NAB1: variants seen among roughly 807,000 people sequenced by gnomAD.
The protein encoded by NAB1 is NGFI-A-binding protein 1.
A neutral mutation model predicts 49.9 loss-of-function variants in NAB1; 25 were observed. The observed-to-expected ratio is 0.50, with a 90% confidence interval of 0.37 to 0.70. NAB1 has a LOEUF of 0.70. Ranked by LOEUF, NAB1 falls within the 30% of genes least tolerant of loss-of-function variation. The probability of loss-of-function intolerance (pLI) is 0.00; values close to 1 mark genes in which losing one functional copy is unlikely to be tolerated. For missense variants in NAB1, 489 were observed against 575.9 expected (o/e 0.85, Z 1.54); for synonymous variants, 198 against 215.6 (o/e 0.92, Z 0.71).
At chr2:190,664,526 T>TTTCCTTCCTTCC (rs112074461) in intron 4 of NAB1, among the ~76,000 whole-genome samples, 1 of 127,564 alleles carries the variant, frequency 7.8e-6, no homozygotes, top group African/African-American at 3.0e-5. Flanking sequence ...TCTTTTCTTT[T>TTTCCTTCCTTCC]TTCCTTCCTT....
At chr2:190,687,638 T>A (rs1196468963) in intron 9 of NAB1, among the ~76,000 whole-genome samples, 1 of 152,174 alleles carries the variant, frequency 6.6e-6, no homozygotes, top group African/African-American at 2.4e-5. Context: ...GCATTTTGGA[T>A]AAGGGATGCT....
chr2:190,655,416 T>G (rs1693867520), intron 2 of NAB1, among the ~76,000 whole-genome samples: 1 of 152,160 alleles, frequency 6.6e-6, no homozygotes, highest in Non-Finnish European at 1.5e-5. Flanking sequence ...AAGAAAATTA[T>G]GGACACACAA....
In NAB1 at chr2:190,686,683, G is replaced by A. The variant is rs1271892873; in HGVS notation, c.1259-518G>A. Among the ~76,000 whole-genome samples, 2 of 152,118 alleles carry A rather than the reference G, an allele frequency of 1.3e-5. No individual in the cohort carries two copies. The highest frequency in any genetic ancestry group is 3.8e-4 in the East Asian group (2 of 5,202). On this transcript the variant is annotated intron_variant, in intron 8 of 9. Transcript: ENST00000337386. This position sits in a 1 kb window ranked among gnomAD's most constrained non-coding sequence, Gnocchi z 5.5. Reference sequence around the variant, plus strand: ...GTGACACCAGGATAATTCAGTGTGGGGTGACAATTTGCTAATGTGATGGAT... The same window carrying A: ...GTGACACCAGGATAATTCAGTGTGGAGTGACAATTTGCTAATGTGATGGAT...
At chr2:190,664,191 A>G (rs1396357039) in intron 4 of NAB1, among the ~76,000 whole-genome samples, 1 of 152,148 alleles carries the variant, frequency 6.6e-6, no homozygotes, top group Non-Finnish European at 1.5e-5. Flanking sequence ...GTGTACTAAA[A>G]TTTTACTGAT....
chr2:190,671,146 T>G (rs574307491), intron 5 of NAB1, among the ~76,000 whole-genome samples: 4 of 152,342 alleles, frequency 2.6e-5, no homozygotes, highest in Admixed American at 1.3e-4. Flanking sequence ...TGCCTGCCAC[T>G]GTTTCTCTGG....
Position 190,687,309 on chromosome 2 carries a change from A to G in NAB1, c.1367A>G (p.His456Arg). 1.3e-6 allele frequency: 2 copies of G among 1,577,402 alleles called. No homozygotes were observed. Among genetic ancestry groups the G allele is most frequent in the Non-Finnish European group, 8.6e-7 (1 of 1,161,320 alleles). The part of the protein sequence containing the change: ...SRLYPSEAKS[H>R]SSESLGILKD... ...CTTTACCCCAGTGAGGCAAAGTCCC[A>G]CTCATCAGGTGAGAACGTGCTATAT... The change falls in exon 9 of 10, where the codon CAC becomes CGC. Residue 456 changes from histidine to arginine, a missense_variant. Coordinates refer to ENST00000337386, the MANE Select transcript of NAB1 (RefSeq NM_005966.4).
chr2:190,653,710 C>T (rs1018996170), intron 2 of NAB1: 3 of 152,090 alleles, frequency 2.0e-5, no homozygotes, highest in African/African-American at 4.8e-5. Flanking sequence ...ATAACTTACA[C>T]CGTGTTTAAT....
rs1330754342 is a variant in NAB1 at position 190,651,026 on chromosome 2, T to G, written c.-197+1044T>G. On this transcript the variant is annotated intron_variant, in intron 2 of 9. Transcript: ENST00000337386. The surrounding 1 kb of genome is among the most constrained non-coding windows in gnomAD (Gnocchi z 4.3). ...TATGCCATTTCGAGATTAAAAATGT[T>G]TTTTTCCCGACTCTGATGGTCTCTT... Among the ~76,000 whole-genome samples, 1 of 152,226 alleles carries G rather than the reference T, an allele frequency of 6.6e-6. No individual in the cohort carries two copies. The highest frequency in any genetic ancestry group is 2.4e-5 in the African/African-American group (1 of 41,466).
At position 190,674,317 on chromosome 2, in the gene NAB1, A is replaced by G. The variant is rs1574459638; in HGVS notation, c.1005+1165A>G. Reference sequence around the variant, plus strand: ...TGACTTTCTGTTCCTGAACATGCCAAACTCATTTATGCCTCAACACTCACT... The same window carrying G: ...TGACTTTCTGTTCCTGAACATGCCAGACTCATTTATGCCTCAACACTCACT... On this transcript the variant is annotated intron_variant, in intron 6 of 9. Coordinates refer to ENST00000337386, the MANE Select transcript of NAB1 (RefSeq NM_005966.4). The surrounding 1 kb of genome is among the most constrained non-coding windows in gnomAD (Gnocchi z 5.7). Among the ~76,000 whole-genome samples the G allele has an allele frequency of 1.3e-5, 2 of 151,996 alleles. No individual in the cohort carries two copies. Among genetic ancestry groups the G allele is most frequent in the South Asian group, 4.2e-4 (2 of 4,818 alleles).
At chr2:190,687,159 A>G (rs1317405712) in intron 8 of NAB1, 42 bp from the exon 9 acceptor site, 2 of 1,262,366 alleles carry the variant, frequency 1.6e-6, no homozygotes, top group Non-Finnish European at 2.1e-6. Context: ...AAACCATGGT[A>G]TGTTTTTAAT....
chr2:190,668,818 C>G (rs1694655858), intron 4 of NAB1, among the ~76,000 whole-genome samples: 1 of 152,084 alleles, frequency 6.6e-6, no homozygotes, highest in African/African-American at 2.4e-5. Flanking sequence ...TTCCAAGACC[C>G]CCAGTTGGAT....
rs1280610452 is a variant in NAB1 at position 190,659,144 on chromosome 2, T to G, written c.-19-14T>G. 1 of 1,440,974 alleles carries G rather than the reference T, an allele frequency of 6.9e-7. No homozygotes were observed. Among genetic ancestry groups the G allele is most frequent in the Non-Finnish European group, 9.2e-7 (1 of 1,087,038 alleles). The allele number at this position is 1,440,974 out of a possible 1,614,324, so 89.3% of individuals were successfully genotyped here. On this transcript the variant is annotated splice_polypyrimidine_tract_variant and intron_variant, in intron 3 of 9. Coordinates refer to ENST00000337386, the MANE Select transcript of NAB1 (RefSeq NM_005966.4). The surrounding 1 kb of genome is among the most constrained non-coding windows in gnomAD (Gnocchi z 6.2). ...AGTATGATGAGTTTTTACTTTTTTT[T>G]TTTTTTTTGGCAGGTTAAACCCATC...
chr2:190,688,395 T>G (rs1170980055), intron 9 of NAB1, among the ~76,000 whole-genome samples: 1 of 152,230 alleles, frequency 6.6e-6, no homozygotes. Flanking sequence ...TTCTAAATAA[T>G]GTTCTGGTAC....
chr2:190,684,693 T>C lies in NAB1; in HGVS notation c.1096-783T>C, dbSNP rs574254095. Among the ~76,000 whole-genome samples, 13 of 152,210 alleles carry C rather than the reference T, an allele frequency of 8.5e-5. No individual in the cohort carries two copies. The highest frequency in any genetic ancestry group is 1.6e-4 in the Non-Finnish European group (11 of 68,024). On this transcript the variant is annotated intron_variant, in intron 7 of 9. Coordinates refer to ENST00000337386, the MANE Select transcript of NAB1 (RefSeq NM_005966.4). This position sits in a 1 kb window ranked among gnomAD's most constrained non-coding sequence, Gnocchi z 4.6. Reference sequence around the variant, plus strand: ...GCAGCTTTCTTGTCCTACTCTCTTATATAGCATGGTAGTGATTCATATCTG... The same window carrying C: ...GCAGCTTTCTTGTCCTACTCTCTTACATAGCATGGTAGTGATTCATATCTG...
In NAB1 at chr2:190,667,657, T is replaced by C. The variant is rs1393087674; in HGVS notation, c.820-2669T>C. On this transcript the variant is annotated intron_variant, in intron 4 of 9. Transcript: ENST00000337386. The surrounding 1 kb of genome is among the most constrained non-coding windows in gnomAD (Gnocchi z 4.4). ...ACCTGGGTTTATTATTATAACTTGC[T>C]GTCAGTGGCCAAATTAATTGTCTCA... 2.0e-5 allele frequency among the ~76,000 whole-genome samples: 3 copies of C among 152,190 alleles called. No individual in the cohort carries two copies. Among genetic ancestry groups the C allele is most frequent in the South Asian group, 2.1e-4 (1 of 4,830 alleles).
chr2:190,676,001 A>C lies in NAB1; in HGVS notation c.1005+2849A>C, dbSNP rs1695051088. 6.6e-6 allele frequency among the ~76,000 whole-genome samples: 1 copy of C among 152,190 alleles called. No individual in the cohort carries two copies. Among genetic ancestry groups the C allele is most frequent in the Non-Finnish European group, 1.5e-5 (1 of 68,040 alleles). ...AGAACTATTTCCGGAAGCTGTTATG[A>C]GGTAGATAGTACTGGCTGTATAAAG... On this transcript the variant is annotated intron_variant, in intron 6 of 9. Coordinates refer to ENST00000337386, the MANE Select transcript of NAB1 (RefSeq NM_005966.4). The surrounding 1 kb of genome is among the most constrained non-coding windows in gnomAD (Gnocchi z 4.6).
intron 6 of NAB1, among the ~76,000 whole-genome samples, chr2:190,673,760 C>T (rs1216340872): frequency 2.0e-5 from 3 of 152,114 alleles, no homozygotes; most frequent in Non-Finnish European, 2.9e-5. Flanking sequence ...TAGAGTGTCA[C>T]GGTTGAGGCT....
At chr2:190,660,089 C>T (rs1694144821) in intron 4 of NAB1, 94 bp downstream of exon 4, 2 of 1,099,038 alleles carry the variant, frequency 1.8e-6, no homozygotes, top group Admixed American at 2.2e-5. Context: ...AAATGTGATA[C>T]ACTACCTGAA....
chr2:190,670,567 A>T lies in NAB1; in HGVS notation c.953+108A>T. 1 of 1,237,504 alleles carries T rather than the reference A, an allele frequency of 8.1e-7. No homozygotes were observed. The highest frequency in any genetic ancestry group is 1.1e-6 in the Non-Finnish European group (1 of 889,404). 76.7% of individuals were successfully genotyped at this position (1,237,504 alleles called of 1,614,324 possible). A position where few individuals can be genotyped will look rare whatever the true frequency, so the allele number is the denominator to read the frequency against. ...GCATTTCTGAAAAAGTGGAAGTATG[A>T]TTATTGTTCTATGAAACTAAACAAT... On this transcript the variant is annotated intron_variant, in intron 5 of 9. Transcript: ENST00000337386. This position sits in a 1 kb window ranked among gnomAD's most constrained non-coding sequence, Gnocchi z 5.3.
Sources: gnomAD v4.1 joint callset for allele counts (sites outside exome capture counted in the v4.1 genomes callset) on GRCh38, gnomAD v4.1.1 for gene constraint, Gnocchi (gnomAD v3.1) non-coding constraint, MANE v1.5 for transcripts, NCBI Gene and HGNC (gene_info 2026-07-23, HGNC 2026-07-21) for gene names.